LIG1: variants seen among roughly 807,000 people sequenced by gnomAD.
LIG1 encodes DNA ligase 1, also known as ligase I, DNA, ATP-dependent.
LIG1 carries 70 observed loss-of-function variants against 115.7 expected under a neutral mutation model. That is an observed-to-expected ratio of 0.60 (90% CI 0.50 to 0.74). The LOEUF is 0.74. Among genes scored for constraint, LIG1 ranks in the 30% least tolerant of loss-of-function variants. LIG1 has a pLI of 0.00. For synonymous variants in LIG1, 487 were observed against 495.3 expected, an observed-to-expected ratio of 0.98 and a Z score of 0.22; for missense variants, 1,115 against 1,225.6, an observed-to-expected ratio of 0.91 and a Z score of 1.35.
At position 48,143,286 on chromosome 19, in the gene LIG1, C is replaced by G. The variant is rs552440461; in HGVS notation, c.914+257G>C. Among the ~76,000 whole-genome samples the G allele has an allele frequency of 2.0e-5, 3 of 152,292 alleles. No individual in the cohort carries two copies. In the South Asian group the frequency reaches 6.2e-4, roughly 32 times the overall value. ...CTGTGTGCAATGGTGCCAGTCATCCCGAGATGGAGCCTGTCTCCTTACCCT... is the reference window on the plus strand; with the variant it reads ...CTGTGTGCAATGGTGCCAGTCATCCGGAGATGGAGCCTGTCTCCTTACCCT... On this transcript the variant is annotated intron_variant, in intron 11 of 27. Transcript: ENST00000263274.
At chr19:48,142,712 C>T (rs1271916755) in intron 11 of LIG1, among the ~76,000 whole-genome samples, 3 of 152,098 alleles carry the variant, frequency 2.0e-5, no homozygotes, top group African/African-American at 7.2e-5. Flanking sequence ...AGCGTGATCT[C>T]GGCTCACTGC....
chr19:48,119,094 G>T (rs150969481), intron 25 of LIG1, 43 bp downstream of exon 25: 29 of 1,494,358 alleles, frequency 1.9e-5, no homozygotes, highest in African/African-American at 8.4e-5. Flanking sequence ...TCAGGGGCAG[G>T]GGGGAGAGGG....
In LIG1 at chr19:48,133,971, G is replaced by A. The variant is rs1351745126; in HGVS notation, c.1609+10C>T. On this transcript the variant is annotated intron_variant, in intron 17 of 27. Transcript: ENST00000263274. ...GCTGCCAGGCTGGTGAGCGCCCCTG[G>A]GGCCTGTACCTGGGCTCAGCTTGCA... 7 of 1,551,982 alleles carry A rather than the reference G, an allele frequency of 4.5e-6. No individual in the cohort carries two copies. Among genetic ancestry groups the A allele is most frequent in the Admixed American group, 2.0e-5 (1 of 51,116 alleles).
chr19:48,115,828 G>C, intron 27 of LIG1, 45 bp downstream of exon 27: 1 of 1,590,896 alleles, frequency 6.3e-7, no homozygotes, highest in African/African-American at 1.3e-5. Flanking sequence ...AAAGCTGGTA[G>C]GGCCAAGCAG....
chr19:48,153,242 T>C (rs2035589443), intron 6 of LIG1, among the ~76,000 whole-genome samples: 1 of 149,554 alleles, frequency 6.7e-6, no homozygotes, highest in South Asian at 2.1e-4. Flanking sequence ...TTCCAATGTA[T>C]GTATAGTATC....
intron 9 of LIG1, among the ~76,000 whole-genome samples, chr19:48,144,821 C>T (rs2035013565): frequency 1.3e-5 from 2 of 152,156 alleles, no homozygotes; most frequent in Non-Finnish European, 2.9e-5. Context: ...ACCTTTCTAA[C>T]TTCCTTTTCC....
chr19:48,158,819 G>A (rs1218359476), intron 4 of LIG1, among the ~76,000 whole-genome samples: 1 of 152,138 alleles, frequency 6.6e-6, no homozygotes, highest in Non-Finnish European at 1.5e-5. Flanking sequence ...CAGGCTCTCG[G>A]GGCACCTTCT....
At chr19:48,132,532 C>T (rs1226914514) in intron 18 of LIG1, among the ~76,000 whole-genome samples, 1 of 151,986 alleles carries the variant, frequency 6.6e-6, no homozygotes, top group African/African-American at 2.4e-5. Context: ...TGGTTCATGC[C>T]TGTAATCCCA....
At chr19:48,155,759 A>G (rs1165000006) in intron 5 of LIG1, among the ~76,000 whole-genome samples, 2 of 152,224 alleles carry the variant, frequency 1.3e-5, no homozygotes, top group Non-Finnish European at 2.9e-5. Context: ...CTCACTGCAC[A>G]TCTCAAGTTG....
At position 48,125,715 on chromosome 19, in the gene LIG1, G is replaced by A. The variant is rs574673014; in HGVS notation, c.2004+1562C>T. On this transcript the variant is annotated intron_variant, in intron 21 of 27. Transcript: ENST00000263274. ...GATGATCATCTGGGATGGGCCGGGC[G>A]TGGTGGCTCACGCCTGTAAATCCCA... Among the ~76,000 whole-genome samples the A allele has an allele frequency of 1.1e-3, 173 of 152,318 alleles. 1 individual carries two copies. Among genetic ancestry groups the A allele is most frequent in the Non-Finnish European group, 2.1e-3 (142 of 68,024 alleles).
rs534863029 is a variant in LIG1 at position 48,165,996 on chromosome 19, AC to A, written c.-57-374del. On this transcript the variant is annotated intron_variant, in intron 1 of 27. Transcript: ENST00000263274. ...CAACTGTGGAAGCTTATAAAATTGT[AC>A]CCGCTGGTCTACATAAATTAGCTCT... 1.2e-4 allele frequency among the ~76,000 whole-genome samples: 18 copies of A among 152,332 alleles called. No individual in the cohort carries two copies. The East Asian group carries it at 3.5e-3, about 29-fold the overall frequency.
intron 11 of LIG1, among the ~76,000 whole-genome samples, chr19:48,141,321 G>A (rs182841089): frequency 3.3e-5 from 5 of 152,178 alleles, no homozygotes; most frequent in Non-Finnish European, 5.9e-5. Context: ...TAGTAGAGAC[G>A]GGGTTTCAAC....
At chr19:48,154,879 TC>T (rs1568541165) in intron 5 of LIG1, among the ~76,000 whole-genome samples, 1 of 152,078 alleles carries the variant, frequency 6.6e-6, no homozygotes, top group African/African-American at 2.4e-5. Context: ...CAGGATAAAG[TC>T]TTTTGATGTC....
intron 12 of LIG1, among the ~76,000 whole-genome samples, chr19:48,139,443 C>T (rs1165239021): frequency 6.6e-6 from 1 of 152,166 alleles, no homozygotes; most frequent in Non-Finnish European, 1.5e-5. Context: ...CTGGATGCTG[C>T]CCCTTGCCTG....
intron 4 of LIG1, among the ~76,000 whole-genome samples, chr19:48,159,538 T>C (rs936785239): frequency 2.6e-5 from 4 of 152,094 alleles, no homozygotes; most frequent in South Asian, 2.1e-4. Flanking sequence ...CAAAGGGTAA[T>C]TGAGGTTGCT....
intron 16 of LIG1, 126 bp from the exon 17 acceptor site, chr19:48,134,192 G>C: frequency 1.3e-6 from 1 of 767,212 alleles, no homozygotes; most frequent in South Asian, 1.6e-5. Flanking sequence ...GTCACCACCT[G>C]CCAAGCTCCT....
chr19:48,156,856 G>A (rs1266870879), intron 5 of LIG1, among the ~76,000 whole-genome samples, 158 bp downstream of exon 5: 1 of 146,238 alleles, frequency 6.8e-6, no homozygotes, highest in African/African-American at 2.5e-5. Flanking sequence ...CAGGAGAATC[G>A]TTTGAACCCG....
chr19:48,149,989 G>C, intron 8 of LIG1, 99 bp downstream of exon 8: 5 of 1,596,014 alleles, frequency 3.1e-6, no homozygotes, highest in Non-Finnish European at 4.3e-6. Context: ...CAGCAGGAAA[G>C]GAAGAAGGGT....
Position 48,137,400 on chromosome 19 carries a change from C to T in LIG1, c.1254+122G>A. 4 of 1,261,094 alleles carry T rather than the reference C, an allele frequency of 3.2e-6. No individual in the cohort carries two copies. The highest frequency in any genetic ancestry group is 4.4e-6 in the Non-Finnish European group (4 of 898,992). The allele number at this position is 1,261,094 out of a possible 1,614,324, so 78.1% of individuals were successfully genotyped here. The stretch of plus-strand genomic sequence containing the variant: ...GCAGGAAGGAGGAGAGGAAGCTGTG[C>T]ACCCCATGAGAAGGACTGATGCGAC... On this transcript the variant is annotated intron_variant, in intron 13 of 27. Transcript: ENST00000263274. The surrounding 1 kb of genome is among the most constrained non-coding windows in gnomAD (Gnocchi z 4.3).
Sources: gnomAD v4.1 joint callset for allele counts (sites outside exome capture counted in the v4.1 genomes callset) on GRCh38, gnomAD v4.1.1 for gene constraint, Gnocchi (gnomAD v3.1) non-coding constraint, MANE v1.5 for transcripts, NCBI Gene and HGNC (gene_info 2026-07-23, HGNC 2026-07-21) for gene names.